SYN3: variants seen among roughly 807,000 people sequenced by gnomAD.
SYN3 encodes the protein synapsin III.
In SYN3, 35 loss-of-function variants were observed where a neutral mutation model predicts 65.8. That is an observed-to-expected ratio of 0.53 (90% CI 0.41 to 0.70). The LOEUF (loss-of-function observed/expected upper bound fraction) is 0.70, where lower values mean the gene tolerates loss of function less well. Ranked by LOEUF, SYN3 falls within the 30% of genes least tolerant of loss-of-function variation. The pLI, the probability that SYN3 is intolerant of heterozygous loss-of-function variation, is 0.00. For missense variants in SYN3, 680 were observed against 749.0 expected, an observed-to-expected ratio of 0.91 and a Z score of 1.08; for synonymous variants, 270 against 292.9, an observed-to-expected ratio of 0.92 and a Z score of 0.80.
rs772040809 is a variant in SYN3 at position 32,518,384 on chromosome 22, A to G, written c.1319-50T>C. 6.2e-6 allele frequency: 10 copies of G among 1,600,580 alleles called. No individual in the cohort carries two copies. The East Asian group carries it at 1.8e-4, about 29-fold the overall frequency. On this transcript the variant is annotated intron_variant, in intron 12 of 13. Transcript: ENST00000358763. Reference sequence around the variant, plus strand: ...TCAGTTCAATTTTTTTTCTTAGGATAGATATGGCTGTACACAAATAATGTT... The same window carrying G: ...TCAGTTCAATTTTTTTTCTTAGGATGGATATGGCTGTACACAAATAATGTT...
At chr22:32,928,535 A>G (rs1490776235) in intron 4 of SYN3, among the ~76,000 whole-genome samples, 3 of 152,196 alleles carry the variant, frequency 2.0e-5, no homozygotes, top group African/African-American at 7.2e-5. Flanking sequence ...GTCACTTTGC[A>G]TCATCACAAA....
chr22:32,911,612 T>C (rs2050053966), intron 4 of SYN3, among the ~76,000 whole-genome samples: 1 of 152,112 alleles, frequency 6.6e-6, no homozygotes, highest in Non-Finnish European at 1.5e-5. Flanking sequence ...AGTCACTTTA[T>C]CTCTTTATGT....
At chr22:32,780,411 C>T (rs918537776) in intron 6 of SYN3, among the ~76,000 whole-genome samples, 1 of 152,158 alleles carries the variant, frequency 6.6e-6, no homozygotes, top group African/African-American at 2.4e-5. Flanking sequence ...ACCAGAGGGC[C>T]TCTGTGCAGT....
At chr22:32,668,911 T>C (rs2060326351) in intron 6 of SYN3, among the ~76,000 whole-genome samples, 1 of 152,212 alleles carries the variant, frequency 6.6e-6, no homozygotes, top group Non-Finnish European at 1.5e-5. Flanking sequence ...AGGAGCCACA[T>C]GATTTCACAA....
chr22:32,549,095 G>A (rs988711074), intron 7 of SYN3, among the ~76,000 whole-genome samples: 1 of 152,228 alleles, frequency 6.6e-6, no homozygotes, highest in Non-Finnish European at 1.5e-5. Flanking sequence ...ATGGTGCATT[G>A]ACTGCTGACC....
chr22:33,000,391 C>T (rs1240922493), intron 2 of SYN3, among the ~76,000 whole-genome samples: 1 of 152,076 alleles, frequency 6.6e-6, no homozygotes, highest in East Asian at 1.9e-4. Flanking sequence ...GCTTTGAGAC[C>T]CTCTATTTCT....
chr22:32,573,473 T>C (rs946279077), intron 7 of SYN3, among the ~76,000 whole-genome samples: 1 of 152,178 alleles, frequency 6.6e-6, no homozygotes, highest in African/African-American at 2.4e-5. Flanking sequence ...AGTTGGGTGC[T>C]GAGGCTAATA....
chr22:32,852,128 A>G (rs2048235123), intron 6 of SYN3, among the ~76,000 whole-genome samples: 1 of 152,244 alleles, frequency 6.6e-6, no homozygotes, highest in Admixed American at 6.5e-5. Flanking sequence ...ACTGTAAAAT[A>G]GATAACACCT....
At chr22:32,552,217 G>C (rs550998571) in intron 7 of SYN3, among the ~76,000 whole-genome samples, 1 of 152,274 alleles carries the variant, frequency 6.6e-6, no homozygotes, top group East Asian at 1.9e-4. Flanking sequence ...CTGCACTCCA[G>C]CCCGGGTGAC....
At chr22:32,530,751 TC>T (rs1423314941) in intron 10 of SYN3, among the ~76,000 whole-genome samples, 1 of 152,086 alleles carries the variant, frequency 6.6e-6, no homozygotes, top group East Asian at 1.9e-4. Flanking sequence ...ACGCCTGTAA[TC>T]CCAGCACTTT....
intron 7 of SYN3, among the ~76,000 whole-genome samples, chr22:32,567,051 G>C (rs781775373): frequency 6.6e-6 from 1 of 152,138 alleles, no homozygotes; most frequent in Admixed American, 6.5e-5. Context: ...TGGGAAGGAC[G>C]TGGGGCTTGA....
At chr22:32,532,518 G>C (rs1303861474) in intron 10 of SYN3, among the ~76,000 whole-genome samples, 6 of 152,304 alleles carry the variant, frequency 3.9e-5, no homozygotes, top group Non-Finnish European at 2.9e-5. Context: ...TCCAGAGTGG[G>C]ACTAGGTCTG....
chr22:32,867,933 C>A (rs1344264879), intron 5 of SYN3, among the ~76,000 whole-genome samples: 1 of 152,118 alleles, frequency 6.6e-6, no homozygotes, highest in African/African-American at 2.4e-5. Flanking sequence ...GATGGAAACT[C>A]AAATAAATCA....
At chr22:32,783,860 C>A (rs2145844935) in intron 6 of SYN3, among the ~76,000 whole-genome samples, 1 of 152,290 alleles carries the variant, frequency 6.6e-6, no homozygotes, top group South Asian at 2.1e-4. Context: ...AGCCAAACTG[C>A]CTGGATTCGA....
At chr22:32,786,721 G>C (rs371688414) in intron 6 of SYN3, among the ~76,000 whole-genome samples, 7 of 152,244 alleles carry the variant, frequency 4.6e-5, no homozygotes, top group African/African-American at 1.7e-4. Flanking sequence ...TTAACATTTG[G>C]GGAATCTGGG....
At position 32,837,502 on chromosome 22, in the gene SYN3, G is replaced by A. The variant is rs1229132373; in HGVS notation, c.711+27413C>T. Among the ~76,000 whole-genome samples, 2 of 152,186 alleles carry A rather than the reference G, an allele frequency of 1.3e-5. No homozygotes were observed. Among genetic ancestry groups the A allele is most frequent in the Non-Finnish European group, 2.9e-5 (2 of 68,042 alleles). On this transcript the variant is annotated intron_variant, in intron 6 of 13. Coordinates refer to ENST00000358763, the MANE Select transcript of SYN3 (RefSeq NM_003490.4). The surrounding 1 kb of genome is among the most constrained non-coding windows in gnomAD (Gnocchi z 4.1). ...CACCCAGGGCGAAACCACTCCAAGAGGTGAAAGGGCTTGAGGGGAGACAGG... is the reference window on the plus strand; with the variant it reads ...CACCCAGGGCGAAACCACTCCAAGAAGTGAAAGGGCTTGAGGGGAGACAGG...
intron 6 of SYN3, among the ~76,000 whole-genome samples, chr22:32,809,584 A>G (rs2046857937): frequency 6.6e-6 from 1 of 152,244 alleles, no homozygotes; most frequent in Non-Finnish European, 1.5e-5. Context: ...TGGAACAGTT[A>G]TCCGACACAA....
chr22:32,517,848 G>A (rs1349720923), intron 13 of SYN3, among the ~76,000 whole-genome samples, 195 bp downstream of exon 13: 4 of 152,126 alleles, frequency 2.6e-5, no homozygotes, highest in African/African-American at 4.8e-5. Flanking sequence ...GGTCACGGTG[G>A]TGTCTAATCT....
At chr22:32,764,082 C>G (rs1307548190) in intron 6 of SYN3, among the ~76,000 whole-genome samples, 3 of 151,984 alleles carry the variant, frequency 2.0e-5, no homozygotes, top group Admixed American at 1.3e-4. Context: ...GGATTACAGG[C>G]ATCCACCACC....
Sources: allele counts gnomAD v4.1 joint callset (sites outside exome capture counted in the v4.1 genomes callset), GRCh38; gene constraint gnomAD v4.1.1; non-coding constraint Gnocchi (gnomAD v3.1); transcripts MANE v1.5; gene names NCBI Gene and HGNC (gene_info 2026-07-23, HGNC 2026-07-21).